Variants in IL23R observed in about 807,000 individuals in gnomAD.
The protein encoded by IL23R is interleukin-23 receptor.
IL23R carries 34 observed loss-of-function variants against 56.9 expected under a neutral mutation model. That is an observed-to-expected ratio of 0.60 (90% confidence interval 0.45 to 0.80). The LOEUF (loss-of-function observed/expected upper bound fraction) is 0.80. Ranked by LOEUF, IL23R falls within the 30% of genes least tolerant of loss-of-function variation. The pLI is 0.00. For synonymous variants in IL23R, 230 were observed against 249.2 expected (o/e 0.92, Z 0.73); for missense variants, 635 against 730.0 (o/e 0.87, Z 1.50).
At chr1:67,151,953 T>A (rs1485417680) in intron 1 of IL23R, among the ~76,000 whole-genome samples, 1 of 152,190 alleles carries the variant, frequency 6.6e-6, no homozygotes, top group Non-Finnish European at 1.5e-5. Context: ...GGGCTCTTTT[T>A]TGGTTCCATA....
chr1:67,208,199 T>A lies in IL23R; in HGVS notation c.798+1144T>A, dbSNP rs558321272. Among the ~76,000 whole-genome samples the A allele has an allele frequency of 5.9e-5, 9 of 152,242 alleles. No homozygotes were observed. The South Asian group carries it at 1.9e-3, about 32-fold the overall frequency. On this transcript the variant is annotated intron_variant, in intron 6 of 10. Transcript: ENST00000347310. ...TGGGTACTATTAAAGGCATTCAGTT[T>A]TAAAAGGGAAACAGAACATAAAAGT...
At chr1:67,199,660 T>A (rs146745743) in intron 4 of IL23R, among the ~76,000 whole-genome samples, 1 of 152,312 alleles carries the variant, frequency 6.6e-6, no homozygotes, top group African/African-American at 2.4e-5. Context: ...TCTATGTATA[T>A]GTGTGTATAT....
At chr1:67,175,866 C>A (rs1445254954) in intron 3 of IL23R, among the ~76,000 whole-genome samples, 1 of 152,094 alleles carries the variant, frequency 6.6e-6, no homozygotes, top group Admixed American at 6.6e-5. Flanking sequence ...ACTGTGTCAC[C>A]CAGGCTGGAG....
chr1:67,152,232 T>A (rs1646734817), intron 1 of IL23R, among the ~76,000 whole-genome samples: 1 of 152,218 alleles, frequency 6.6e-6, no homozygotes, highest in South Asian at 2.1e-4. Flanking sequence ...CATTTGTGAA[T>A]GGGACTTCAT....
intron 1 of IL23R, 27 bp from the exon 2 acceptor site, chr1:67,168,065 T>G: frequency 8.1e-7 from 1 of 1,227,322 alleles, no homozygotes; most frequent in Non-Finnish European, 1.2e-6. Context: ...TACTACAATT[T>G]AAACATTTTT....
rs537027802 is a variant in IL23R at position 67,161,091 on chromosome 1, T to C, written c.-633-7001T>C. Reference sequence around the variant, plus strand: ...TATCATTGCATTTCTGAAATGGCCTTTTTTACTTACAGTCACTGAGGCTCT... The same window carrying C: ...TATCATTGCATTTCTGAAATGGCCTCTTTTACTTACAGTCACTGAGGCTCT... On this transcript the variant is annotated intron_variant, in intron 1 of 10. Transcript: ENST00000637002. Among the ~76,000 whole-genome samples, 3 of 152,314 alleles carry C rather than the reference T, an allele frequency of 2.0e-5. No individual in the cohort carries two copies. The South Asian group carries it at 6.2e-4, about 32-fold the overall frequency.
At chr1:67,158,397 C>G (rs996330586) in intron 1 of IL23R, among the ~76,000 whole-genome samples, 7 of 152,128 alleles carry the variant, frequency 4.6e-5, no homozygotes, top group African/African-American at 1.7e-4. Context: ...ACAGCAGCAG[C>G]AGAGATACTG....
chr1:67,240,149 G>C, intron 8 of IL23R, 30 bp from the exon 9 acceptor site: 1 of 1,423,094 alleles, frequency 7.0e-7, no homozygotes, highest in East Asian at 2.3e-5. Flanking sequence ...CTAATGCTTG[G>C]TTAAAATTAT....
At chr1:67,218,438 C>T (rs1428134233) in intron 6 of IL23R, among the ~76,000 whole-genome samples, 1 of 150,608 alleles carries the variant, frequency 6.6e-6, no homozygotes. Flanking sequence ...TACAGCTTAG[C>T]TTATAGGTAT....
intron 9 of IL23R, among the ~76,000 whole-genome samples, chr1:67,241,234 A>T (rs1303068088): frequency 6.6e-6 from 1 of 152,218 alleles, no homozygotes; most frequent in Non-Finnish European, 1.5e-5. Context: ...CTTTAAACCC[A>T]CTGGGAAACA....
intron 9 of IL23R, among the ~76,000 whole-genome samples, chr1:67,250,509 A>T (rs2100366710): frequency 6.6e-6 from 1 of 152,320 alleles, no homozygotes; most frequent in South Asian, 2.1e-4. Context: ...AATTTTCAAA[A>T]GTCAAAGCAG....
chr1:67,151,937 C>CT lies in IL23R; in HGVS notation c.-634+12777dup, dbSNP rs368527170. Among the ~76,000 whole-genome samples the CT allele has an allele frequency of 3.2e-3, 491 of 152,258 alleles. 5 individuals are homozygous for CT. The highest frequency in any genetic ancestry group is 0.012 in the African/African-American group (483 of 41,538). On this transcript the variant is annotated intron_variant, in intron 1 of 10. Coordinates refer to the IL23R transcript ENST00000637002. ...TTCTTTTTGCTTAGGATTGTCTTGG[C>CT]TATACGGGCTCTTTTTTGGTTCCAT...
intron 4 of IL23R, among the ~76,000 whole-genome samples, chr1:67,186,556 A>G (rs1647349961): frequency 6.6e-6 from 1 of 152,076 alleles, no homozygotes; most frequent in Non-Finnish European, 1.5e-5. Context: ...ATTTGCCTAC[A>G]CTGGACACTT....
At chr1:67,260,021 G>A (rs983410450), downstream of IL23R, 5 of 149,678 alleles carry the variant, frequency 3.3e-5, no homozygotes, top group African/African-American at 1.2e-4. Context: ...CAAAGGGAGA[G>A]GCAAGTTTAA....
rs554779865 is a variant in IL23R, at chr1:67,249,419, A to G, written c.1149-6418A>G. 2.6e-5 allele frequency among the ~76,000 whole-genome samples: 4 copies of G among 152,274 alleles called. No individual in the cohort carries two copies. The East Asian group carries it at 7.7e-4, about 29-fold the overall frequency. On this transcript the variant is annotated intron_variant, in intron 9 of 10. Coordinates refer to ENST00000347310, the MANE Select transcript of IL23R (RefSeq NM_144701.3). ...GTTTTCAGAAATTGCATTAGCATTA[A>G]GTAATTAACTTAATGTAATGACTTT...
Position 67,258,592 on chromosome 1 carries a change from A to C in IL23R, c.1354A>C (p.Lys452Gln), listed in dbSNP as rs1472483040. 1 of 1,613,550 alleles carries C rather than the reference A, an allele frequency of 6.2e-7. No homozygotes were observed. The highest frequency in any genetic ancestry group is 1.3e-5 in the African/African-American group (1 of 74,912). The change falls in exon 11 of 11, where the codon AAG (lysine) becomes CAG (glutamine). Residue 452 changes from lysine (K) to glutamine (Q), a missense_variant. Transcript: ENST00000347310. ...IPEHKPTDYK[K>Q]ENTGPLETRD... Reference sequence around the variant, plus strand: ...AGAACACAAGCCTACAGACTACAAGAAGGAGAATACAGGACCCCTGGAGAC... The same window carrying C: ...AGAACACAAGCCTACAGACTACAAGCAGGAGAATACAGGACCCCTGGAGAC...
chr1:67,250,194 A>G (rs1282592193), intron 9 of IL23R, among the ~76,000 whole-genome samples: 2 of 152,224 alleles, frequency 1.3e-5, no homozygotes, highest in African/African-American at 2.4e-5. Context: ...AGTCTGGATT[A>G]CATGTTGTAA....
At chr1:67,220,710 A>C (rs1650182604) in intron 7 of IL23R, among the ~76,000 whole-genome samples, 1 of 152,116 alleles carries the variant, frequency 6.6e-6, no homozygotes, top group Non-Finnish European at 1.5e-5. Flanking sequence ...TCTACCAAAA[A>C]TACAAATAAA....
At chr1:67,199,033 C>T (rs1157182613) in intron 4 of IL23R, among the ~76,000 whole-genome samples, 3 of 152,172 alleles carry the variant, frequency 2.0e-5, no homozygotes, top group Admixed American at 1.3e-4. Flanking sequence ...TTGATTTTTC[C>T]ACTACCACCA....
Sources: gnomAD v4.1 joint callset for allele counts (sites outside exome capture counted in the v4.1 genomes callset) on GRCh38, gnomAD v4.1.1 for gene constraint, MANE v1.5 for transcripts, NCBI Gene and HGNC (gene_info 2026-07-23, HGNC 2026-07-21) for gene names.